FBXL4: variants seen among roughly 807,000 people sequenced by gnomAD.
FBXL4 encodes the protein F-box and leucine rich repeat protein 4.
FBXL4 carries 40 observed loss-of-function variants against 58.9 expected under a neutral mutation model. The observed-to-expected ratio is 0.68, with a 90% CI of 0.53 to 0.88. The LOEUF (loss-of-function observed/expected upper bound fraction) is 0.88, where lower values mean the gene tolerates loss of function less well. Among genes scored for constraint, FBXL4 ranks in the 40% least tolerant of loss-of-function variants. The pLI is 0.00. For synonymous variants in FBXL4, 263 were observed against 265.5 expected, an observed-to-expected ratio of 0.99 and a Z score of 0.09; for missense variants, 676 against 734.4, an observed-to-expected ratio of 0.92 and a Z score of 0.92.
At chr6:98,880,674 G>A in intron 7 of FBXL4, 50 bp from the exon 8 acceptor site, 3 of 1,472,844 alleles carry the variant, frequency 2.0e-6, no homozygotes, top group South Asian at 1.1e-5. Flanking sequence ...GAATGAAAGT[G>A]AAACAAAGAG....
chr6:98,946,539 G>GC (rs1773625052), intron 1 of FBXL4, among the ~76,000 whole-genome samples: 1 of 152,148 alleles, frequency 6.6e-6, no homozygotes, highest in Non-Finnish European at 1.5e-5. Flanking sequence ...GACCATATGT[G>GC]CAAGTACCAT....
intron 5 of FBXL4, among the ~76,000 whole-genome samples, chr6:98,914,436 C>T (rs574384750): frequency 4.2e-4 from 64 of 152,232 alleles, no homozygotes; most frequent in South Asian, 3.1e-3. Context: ...ACTGGCAAAC[C>T]GAATCCAGCA....
intron 7 of FBXL4, chr6:98,898,256 G>A: frequency 7.2e-6 from 7 of 978,790 alleles, no homozygotes; most frequent in Non-Finnish European, 8.5e-6. Flanking sequence ...GAACATTCAA[G>A]GAATAGAAAG....
chr6:98,912,972 A>G (rs1035373531), intron 5 of FBXL4, among the ~76,000 whole-genome samples: 11 of 151,910 alleles, frequency 7.2e-5, no homozygotes, highest in Non-Finnish European at 1.2e-4. Context: ...AAATAAAAGG[A>G]TGGAGGAAGA....
At chr6:98,921,187 C>T (rs1772570055) in intron 4 of FBXL4, among the ~76,000 whole-genome samples, 2 of 152,058 alleles carry the variant, frequency 1.3e-5, no homozygotes, top group Admixed American at 1.3e-4. Flanking sequence ...ACTATGTGTC[C>T]AGTGCTCAGA....
rs1047062864 is a variant in FBXL4, at chr6:98,882,702, C to A, written c.1318-2078G>T. 4.0e-5 allele frequency among the ~76,000 whole-genome samples: 6 copies of A among 151,692 alleles called. No homozygotes were observed. In the South Asian group the frequency reaches 1.3e-3, roughly 32 times the overall value. ...CATTCACGTACTTCCTCAGAGGTAA[C>A]CTTTATTATGACTTGGTGTTTAAAA... is the stretch of plus-strand genomic sequence containing the variant. On this transcript the variant is annotated intron_variant, in intron 7 of 9. Coordinates refer to ENST00000369244, the MANE Select transcript of FBXL4 (RefSeq NM_001278716.2).
intron 5 of FBXL4, among the ~76,000 whole-genome samples, chr6:98,907,559 C>T (rs994417001): frequency 6.6e-6 from 1 of 152,092 alleles, no homozygotes; most frequent in African/African-American, 2.4e-5. Context: ...TTTTTCTAAA[C>T]AGTTGGGGGC....
chr6:98,884,023 AT>A lies in FBXL4; in HGVS notation c.1318-3400del, dbSNP rs895941427. On this transcript the variant is annotated intron_variant, in intron 7 of 9. Transcript: ENST00000369244. Reference sequence around the variant, plus strand: ...GCATTTTATCAATTTCTGTGTCATAATTTTTTTTTATATCTGATACTTCCTT... The same window carrying A: ...GCATTTTATCAATTTCTGTGTCATAATTTTTTTTATATCTGATACTTCCTT... Among the ~76,000 whole-genome samples the A allele has an allele frequency of 5.0e-3, 759 of 151,092 alleles. 8 individuals carry two copies. Among genetic ancestry groups the A allele is most frequent in the African/African-American group, 0.017 (694 of 41,262 alleles).
chr6:98,921,960 T>A (rs754993255), intron 4 of FBXL4, among the ~76,000 whole-genome samples: 2 of 152,138 alleles, frequency 1.3e-5, no homozygotes, highest in Non-Finnish European at 2.9e-5. Context: ...TACATAAGCA[T>A]CCATTAAGAT....
At chr6:98,940,002 ATGATT>A in intron 1 of FBXL4, among the ~76,000 whole-genome samples, 1 of 152,212 alleles carries the variant, frequency 6.6e-6, no homozygotes, top group East Asian at 1.9e-4. Flanking sequence ...TTATGCAGTT[ATGATT>A]TAATACTGAA....
chr6:98,926,872 T>C lies in FBXL4; in HGVS notation c.117A>G (p.Glu39=). The C allele has an allele frequency of 1.2e-6, 2 of 1,614,180 alleles. No homozygotes were observed. The highest frequency in any genetic ancestry group is 1.7e-6 in the Non-Finnish European group (2 of 1,180,020). Residue 39 remains glutamate (E), a synonymous_variant, in exon 4 of 10, where the codon GAA becomes GAG. Coordinates refer to ENST00000369244, the MANE Select transcript of FBXL4 (RefSeq NM_001278716.2). ...GEMMNTHRAI[E]SNSQTSPLNA... ...TGAGAGGGGAAGTCTGGCTGTTTGA[T>C]TCTATAGCTCTATGGGTGTTCATCA...
chr6:98,931,765 G>A (rs1338815917), intron 2 of FBXL4, among the ~76,000 whole-genome samples: 3 of 152,162 alleles, frequency 2.0e-5, no homozygotes, highest in Non-Finnish European at 2.9e-5. Context: ...TTAGGGGTGG[G>A]GAAGAACATA....
At chr6:98,899,025 A>T in intron 7 of FBXL4, 1 of 985,390 alleles carries the variant, frequency 1.0e-6, no homozygotes, top group Non-Finnish European at 1.2e-6. Context: ...TTTCCTGGGG[A>T]CATAAATAGC....
intron 7 of FBXL4, among the ~76,000 whole-genome samples, chr6:98,885,607 T>C (rs1771010914): frequency 6.6e-6 from 1 of 152,160 alleles, no homozygotes; most frequent in Non-Finnish European, 1.5e-5. Flanking sequence ...GCCTTCAAAC[T>C]GGGACGCTGG....
In FBXL4 at chr6:98,871,740, C is replaced by T. The variant is rs1314166515; in HGVS notation, c.*2538G>A. ...TGAACTTCATTTGCTCTCATAGTTT[C>T]TGATAGATTAAACATCAATGGTTCA... On this transcript the variant is annotated 3_prime_UTR_variant, in exon 10 of 10. Transcript: ENST00000369244. The T allele has an allele frequency of 1.3e-5, 2 of 152,114 alleles. No homozygotes were observed. The highest frequency in any genetic ancestry group is 4.8e-5 in the African/African-American group (2 of 41,428). The allele number at this position is 152,114 out of a possible 1,614,324, so 9.4% of individuals were successfully genotyped here. A position where few individuals can be genotyped will look rare whatever the true frequency, so the allele number is the denominator to read the frequency against.
At chr6:98,946,824 A>C (rs1773636474) in intron 1 of FBXL4, among the ~76,000 whole-genome samples, 1 of 152,234 alleles carries the variant, frequency 6.6e-6, no homozygotes, top group South Asian at 2.1e-4. Context: ...TTAATCTGAT[A>C]AAGGACTATT....
At chr6:98,890,709 A>G (rs1156359786) in intron 7 of FBXL4, among the ~76,000 whole-genome samples, 1 of 152,194 alleles carries the variant, frequency 6.6e-6, no homozygotes, top group Non-Finnish European at 1.5e-5. Context: ...ACTTGAGGTC[A>G]GGAGTTCAAG....
At position 98,892,981 on chromosome 6, in the gene FBXL4, A is replaced by G. The variant is rs527709043; in HGVS notation, c.1317+6287T>C. 5.3e-5 allele frequency among the ~76,000 whole-genome samples: 8 copies of G among 152,278 alleles called. No homozygotes were observed. The South Asian group carries it at 1.0e-3, about 20-fold the overall frequency. ...AAAACTGGATGCAGGTGTTCCATTT[A>G]TAACTCCAACTTTTAAAAAACACTC... On this transcript the variant is annotated intron_variant, in intron 7 of 9. Transcript: ENST00000369244.
At chr6:98,874,478 C>A in intron 9 of FBXL4, 37 bp from the exon 10 acceptor site, 1 of 1,551,090 alleles carries the variant, frequency 6.4e-7, no homozygotes, top group Non-Finnish European at 8.8e-7. Flanking sequence ...AAACAAAACA[C>A]CTTAAGTATA....
Sources: allele counts gnomAD v4.1 joint callset (sites outside exome capture counted in the v4.1 genomes callset), GRCh38; gene constraint gnomAD v4.1.1; transcripts MANE v1.5; gene names NCBI Gene and HGNC (gene_info 2026-07-23, HGNC 2026-07-21).